Variants in SMAD3 observed in about 807,000 individuals in gnomAD.
SMAD3 encodes the protein MAD homolog 3.
In SMAD3, 12 loss-of-function variants were observed where a neutral mutation model predicts 51.8. The observed-to-expected ratio is 0.23, with a 90% confidence interval of 0.15 to 0.38. The LOEUF is 0.38. SMAD3 is among the 10% of genes least tolerant of loss of function. SMAD3 has a pLI of 1.00. For missense variants in SMAD3, 294 were observed against 565.6 expected, an observed-to-expected ratio of 0.52 and a Z score of 4.87; for synonymous variants, 238 against 227.7, an observed-to-expected ratio of 1.05 and a Z score of -0.41.
chr15:67,078,806 G>A (rs1432347981), intron 1 of SMAD3, among the ~76,000 whole-genome samples: 1 of 152,208 alleles, frequency 6.6e-6, no homozygotes, highest in African/African-American at 2.4e-5. Context: ...GGTGGTGACT[G>A]TGGACATGTT....
At chr15:67,069,410 A>G (rs1960001992) in intron 1 of SMAD3, among the ~76,000 whole-genome samples, 1 of 152,170 alleles carries the variant, frequency 6.6e-6, no homozygotes, top group South Asian at 2.1e-4. Context: ...TTGCCAGTTT[A>G]TAAGAATGGA....
chr15:67,096,936 C>A (rs899893050), intron 1 of SMAD3, among the ~76,000 whole-genome samples: 8 of 152,216 alleles, frequency 5.3e-5, no homozygotes, highest in African/African-American at 1.7e-4. Flanking sequence ...TACAAACATA[C>A]TCTTGTTGAA....
chr15:67,071,235 C>T (rs11632964), intron 1 of SMAD3, among the ~76,000 whole-genome samples: 55,886 of 152,044 alleles, frequency 0.37, 11,176 homozygotes, highest in South Asian at 0.55. Flanking sequence ...TTTTGGACTG[C>T]AGTATGATGT....
chr15:67,151,313 C>G (rs553957025), intron 1 of SMAD3, among the ~76,000 whole-genome samples: 143 of 149,524 alleles, frequency 9.6e-4, no homozygotes, highest in African/African-American at 3.2e-3. Context: ...TCTTTCTCCC[C>G]ATTTTCCCTT....
chr15:67,179,146 C>A (rs1480992921), intron 5 of SMAD3, among the ~76,000 whole-genome samples: 2 of 152,172 alleles, frequency 1.3e-5, no homozygotes, highest in Non-Finnish European at 2.9e-5. Flanking sequence ...GGTTTGCTCG[C>A]AGTTGCATGT....
intron 1 of SMAD3, among the ~76,000 whole-genome samples, chr15:67,113,777 G>A (rs1394270372): frequency 1.3e-5 from 2 of 152,188 alleles, no homozygotes; most frequent in African/African-American, 2.4e-5. Flanking sequence ...AGCTTCTCAC[G>A]CACAGGATCA....
intron 1 of SMAD3, among the ~76,000 whole-genome samples, chr15:67,075,384 G>A (rs1355200071): frequency 6.6e-6 from 1 of 152,210 alleles, no homozygotes; most frequent in African/African-American, 2.4e-5. Flanking sequence ...TACATTTTGT[G>A]TGTGGCTGTT....
chr15:67,065,772 G>A lies in SMAD3; in HGVS notation c.-383G>A, dbSNP rs1252048589. ...CTAGCGAGGCGAGCGAAGTTTGGCCGGGGGTTGGACTTTCCTTCCCGGAGG... is the reference window on the plus strand; with the variant it reads ...CTAGCGAGGCGAGCGAAGTTTGGCCAGGGGTTGGACTTTCCTTCCCGGAGG... On this transcript the variant is annotated 5_prime_UTR_variant, in exon 1 of 9. Transcript: ENST00000327367. 4 of 200,772 alleles carry A rather than the reference G, an allele frequency of 2.0e-5. No individual in the cohort carries two copies. The highest frequency in any genetic ancestry group is 2.3e-5 in the African/African-American group (1 of 43,430). The allele number at this position is 200,772 out of a possible 1,614,324, so 12.4% of individuals were successfully genotyped here.
intron 1 of SMAD3, among the ~76,000 whole-genome samples, chr15:67,069,176 G>A (rs1298993588): frequency 6.6e-6 from 1 of 152,176 alleles, no homozygotes; most frequent in African/African-American, 2.4e-5. Context: ...GCTCTGACTT[G>A]TTTCAATTAT....
At chr15:67,116,171 G>A (rs1961131129) in intron 1 of SMAD3, among the ~76,000 whole-genome samples, 1 of 152,234 alleles carries the variant, frequency 6.6e-6, no homozygotes, top group Non-Finnish European at 1.5e-5. Context: ...TTATGGAGAT[G>A]GCAGTGGTTG....
At chr15:67,093,907 C>A (rs1960559880) in intron 1 of SMAD3, among the ~76,000 whole-genome samples, 1 of 152,212 alleles carries the variant, frequency 6.6e-6, no homozygotes, top group Admixed American at 6.5e-5. Flanking sequence ...CTTTGTTGAT[C>A]TCATTTGGTG....
chr15:67,105,431 G>A (rs900662813), intron 1 of SMAD3, among the ~76,000 whole-genome samples: 8 of 152,206 alleles, frequency 5.3e-5, no homozygotes, highest in Non-Finnish European at 7.4e-5. Context: ...AGAAGATGCC[G>A]GGCTGTTGGG....
In SMAD3 at chr15:67,190,869, G is replaced by T. The variant is rs1567005906; in HGVS notation, c.*333G>T. The T allele has an allele frequency of 4.7e-6, 2 of 423,104 alleles. No homozygotes were observed. The highest frequency in any genetic ancestry group is 8.8e-6 in the Non-Finnish European group (2 of 227,890). The allele number at this position is 423,104 out of a possible 1,614,324, so 26.2% of individuals were successfully genotyped here. On this transcript the variant is annotated 3_prime_UTR_variant, in exon 9 of 9. Transcript: ENST00000327367. Reference sequence around the variant, plus strand: ...CTCTTTTTTTGAGTGACAGCTTTCTGGGATGTCACAGTCCAACCAGAAACA... The same window carrying T: ...CTCTTTTTTTGAGTGACAGCTTTCTTGGATGTCACAGTCCAACCAGAAACA...
Position 67,164,924 on chromosome 15 carries a change from A to G in SMAD3, c.236A>G (p.His79Arg). ...CTGGATGGCCGGTTGCAGGTGTCCC[A>G]TCGGAAGGGGCTCCCTCATGTCATC... ...RSLDGRLQVS[H>R]RKGLPHVIYC... Residue 79 changes from histidine to arginine, a missense_variant, in exon 2 of 9, where the codon CAT (histidine) becomes CGT (arginine). Coordinates refer to ENST00000327367, the MANE Select transcript of SMAD3 (RefSeq NM_005902.4). The G allele has an allele frequency of 6.2e-7, 1 of 1,613,340 alleles. No homozygotes were observed. The highest frequency in any genetic ancestry group is 8.5e-7 in the Non-Finnish European group (1 of 1,180,044).
At chr15:67,094,492 C>A (rs1321898178) in intron 1 of SMAD3, among the ~76,000 whole-genome samples, 1 of 152,174 alleles carries the variant, frequency 6.6e-6, no homozygotes, top group Admixed American at 6.5e-5. Context: ...AGGGCTGTGA[C>A]CAGGCAGGAC....
intron 1 of SMAD3, among the ~76,000 whole-genome samples, chr15:67,074,365 G>C (rs537206767): frequency 6.6e-6 from 1 of 152,322 alleles, no homozygotes; most frequent in Non-Finnish European, 1.5e-5. Flanking sequence ...TAAGAGGTAG[G>C]CATTATAGAG....
At chr15:67,104,040 G>A (rs539434184) in intron 1 of SMAD3, among the ~76,000 whole-genome samples, 2 of 152,208 alleles carry the variant, frequency 1.3e-5, no homozygotes, top group South Asian at 4.2e-4. Context: ...AGTGCACAAC[G>A]GGCCCTATTT....
chr15:67,097,737 C>T (rs1190155098), intron 1 of SMAD3, among the ~76,000 whole-genome samples: 1 of 152,112 alleles, frequency 6.6e-6, no homozygotes, highest in African/African-American at 2.4e-5. Context: ...TAGCAATGGT[C>T]ATGATGGTGA....
intron 8 of SMAD3, among the ~76,000 whole-genome samples, chr15:67,188,336 C>G (rs1441609569): frequency 6.6e-6 from 1 of 151,828 alleles, no homozygotes; most frequent in Non-Finnish European, 1.5e-5. Flanking sequence ...GGGGGTTTCA[C>G]CATGTTGCCC....
Sources: allele counts gnomAD v4.1 joint callset (sites outside exome capture counted in the v4.1 genomes callset), GRCh38; gene constraint gnomAD v4.1.1; transcripts MANE v1.5; gene names NCBI Gene and HGNC (gene_info 2026-07-23, HGNC 2026-07-21).